The following RIN3 variants were observed in gnomAD, a reference collection of about 807,000 sequenced individuals.
The protein encoded by RIN3 is Ras and Rab interactor 3.
In RIN3, 54 loss-of-function variants were observed where a neutral mutation model predicts 76.3. The ratio of observed to expected loss-of-function variants is 0.71; its 90% CI spans 0.57 to 0.89. The LOEUF (loss-of-function observed/expected upper bound fraction) is 0.89. Ranked by LOEUF, RIN3 falls within the 40% of genes least tolerant of loss-of-function variation. The pLI is 0.00. For missense variants in RIN3, 1,256 were observed against 1,322.1 expected, an observed-to-expected ratio of 0.95 and a Z score of 0.78; for synonymous variants, 576 against 564.0, an observed-to-expected ratio of 1.02 and a Z score of -0.30.
intron 4 of RIN3, among the ~76,000 whole-genome samples, chr14:92,627,521 C>T (rs574371634): frequency 1.3e-5 from 2 of 152,362 alleles, no homozygotes; most frequent in South Asian, 4.1e-4. Context: ...TGATCATTCA[C>T]ACACACTTTC....
intron 1 of RIN3, among the ~76,000 whole-genome samples, chr14:92,520,336 C>A (rs1896563860): frequency 6.6e-6 from 1 of 152,124 alleles, no homozygotes; most frequent in Admixed American, 6.5e-5. Context: ...ACACACAGGC[C>A]TGGAGCCATG....
At chr14:92,602,299 G>C (rs1000438991) in intron 3 of RIN3, among the ~76,000 whole-genome samples, 1 of 152,236 alleles carries the variant, frequency 6.6e-6, no homozygotes, top group African/African-American at 2.4e-5. Context: ...CCTCACCAAG[G>C]GATCACCTGG....
chr14:92,515,723 G>A (rs1254377778), intron 1 of RIN3, among the ~76,000 whole-genome samples: 1 of 152,226 alleles, frequency 6.6e-6, no homozygotes, highest in Non-Finnish European at 1.5e-5. Flanking sequence ...GAATTGTTTC[G>A]TGGATTGGCT....
chr14:92,650,047 C>T (rs1012914828), intron 5 of RIN3, among the ~76,000 whole-genome samples: 2 of 152,240 alleles, frequency 1.3e-5, no homozygotes, highest in East Asian at 3.9e-4. Context: ...CCTCTTAGAG[C>T]GAGCACACGC....
intron 7 of RIN3, among the ~76,000 whole-genome samples, chr14:92,675,635 C>CA (rs1393009433): frequency 6.6e-6 from 1 of 152,242 alleles, no homozygotes; most frequent in Non-Finnish European, 1.5e-5. Context: ...TTCATTTCTC[C>CA]AGTGCACTTG....
rs182553578 is a variant in RIN3 at position 92,586,797 on chromosome 14, G to A, written c.367+9320G>A. Among the ~76,000 whole-genome samples the A allele has an allele frequency of 3.2e-4, 49 of 152,266 alleles. No homozygotes were observed. In the South Asian group the frequency reaches 6.2e-3, roughly 19 times the overall value. On this transcript the variant is annotated intron_variant, in intron 3 of 9. Coordinates refer to ENST00000216487, the MANE Select transcript of RIN3 (RefSeq NM_024832.5). The stretch of plus-strand genomic sequence containing the variant: ...ACATAACCAGAAATACAAGTCGTTC[G>A]AACTGTCCTAAATGTTAGAATGTAA...
At chr14:92,684,368 A>G (rs910057266) in intron 8 of RIN3, among the ~76,000 whole-genome samples, 2 of 144,786 alleles carry the variant, frequency 1.4e-5, no homozygotes, top group Non-Finnish European at 3.0e-5. Flanking sequence ...CAACACAGCA[A>G]CAGAGCCAGA....
In RIN3 at chr14:92,680,737, T is replaced by C. The variant is rs2140174318; in HGVS notation, c.2467+4131T>C. Among the ~76,000 whole-genome samples the C allele has an allele frequency of 1.3e-5, 2 of 152,334 alleles. 1 individual carries two copies. The highest frequency in any genetic ancestry group is 6.8e-3 in the Middle Eastern group (2 of 294). On this transcript the variant is annotated intron_variant, in intron 8 of 9. Coordinates refer to ENST00000216487, the MANE Select transcript of RIN3 (RefSeq NM_024832.5). ...TTCAGGTGAGCAAGCCATTCTGTGT[T>C]CGACAGAAAGCCTGCAAGTTGGATT...
At chr14:92,605,207 C>T (rs910883515) in intron 3 of RIN3, among the ~76,000 whole-genome samples, 9 of 152,218 alleles carry the variant, frequency 5.9e-5, no homozygotes, top group East Asian at 1.9e-4. Context: ...CACCACTCCC[C>T]GCCCCATTTA....
intron 3 of RIN3, among the ~76,000 whole-genome samples, chr14:92,583,117 T>C (rs1595434270): frequency 6.6e-6 from 1 of 152,246 alleles, no homozygotes; most frequent in East Asian, 1.9e-4. Flanking sequence ...CTTAGGACTT[T>C]AGACACTGTG....
chr14:92,640,222 T>G (rs2140129927), intron 4 of RIN3, among the ~76,000 whole-genome samples: 1 of 111,884 alleles, frequency 8.9e-6, no homozygotes, highest in Non-Finnish European at 1.8e-5. Context: ...GACTGTGCGT[T>G]TGCTGGGAGA....
intron 3 of RIN3, among the ~76,000 whole-genome samples, chr14:92,597,166 A>G (rs371031683): frequency 1.1e-5 from 1 of 93,332 alleles, no homozygotes; most frequent in South Asian, 3.8e-4. Context: ...ATGTGTGTTT[A>G]TATATATTAT....
chr14:92,639,789 C>T (rs1376535122), intron 4 of RIN3, among the ~76,000 whole-genome samples: 2 of 152,228 alleles, frequency 1.3e-5, no homozygotes, highest in Non-Finnish European at 1.5e-5. Flanking sequence ...CCAAAGTCAT[C>T]AGATGGACCT....
intron 2 of RIN3, among the ~76,000 whole-genome samples, chr14:92,573,925 G>A (rs979771552): frequency 6.6e-6 from 1 of 152,198 alleles, no homozygotes; most frequent in African/African-American, 2.4e-5. Context: ...TGACAATTTG[G>A]CAGGAGCCGA....
chr14:92,649,875 T>C (rs937959490), intron 5 of RIN3, among the ~76,000 whole-genome samples: 3 of 152,150 alleles, frequency 2.0e-5, no homozygotes, highest in Admixed American at 1.3e-4. Flanking sequence ...AGGACAGGGC[T>C]GGGGGGTGCA....
chr14:92,603,659 G>A (rs976597940), intron 3 of RIN3, among the ~76,000 whole-genome samples: 1 of 152,186 alleles, frequency 6.6e-6, no homozygotes. Context: ...ACATGGTAGC[G>A]AATCTCAGAG....
chr14:92,591,417 AT>A (rs201309353), intron 3 of RIN3, among the ~76,000 whole-genome samples: 1,530 of 152,344 alleles, frequency 0.01, 18 homozygotes, highest in Non-Finnish European at 0.014. Flanking sequence ...CACAGAAAAA[AT>A]ATTTGAAACA....
intron 1 of RIN3, among the ~76,000 whole-genome samples, chr14:92,544,459 G>A (rs375181973): frequency 4.0e-5 from 6 of 151,776 alleles, no homozygotes; most frequent in African/African-American, 1.5e-4. Context: ...AAAGTCCCCT[G>A]GGGCTGATTC....
chr14:92,514,089 G>A lies in RIN3; in HGVS notation c.44+113G>A. On this transcript the variant is annotated intron_variant, in intron 1 of 9. Coordinates refer to ENST00000216487, the MANE Select transcript of RIN3 (RefSeq NM_024832.5). The surrounding 1 kb of genome is among the most constrained non-coding windows in gnomAD (Gnocchi z 7.2). ...CCTTCGGGCGCGTGACCTCGGGGTT[G>A]TCGGGCTGATACGGGACCCCCACCG... 1 of 772,338 alleles carries A rather than the reference G, an allele frequency of 1.3e-6. No individual in the cohort carries two copies. The highest frequency in any genetic ancestry group is 1.8e-6 in the Non-Finnish European group (1 of 567,736). 47.8% of individuals were successfully genotyped at this position (772,338 alleles called of 1,614,324 possible).
Sources: gnomAD v4.1 joint callset for allele counts (sites outside exome capture counted in the v4.1 genomes callset) on GRCh38, gnomAD v4.1.1 for gene constraint, Gnocchi (gnomAD v3.1) non-coding constraint, MANE v1.5 for transcripts, NCBI Gene and HGNC (gene_info 2026-07-23, HGNC 2026-07-21) for gene names.